Variants in DLC1 observed in about 807,000 individuals in gnomAD.
DLC1 encodes the protein rho GTPase-activating protein 7.
In DLC1, 54 loss-of-function variants were observed where a neutral mutation model predicts 140.3. The observed-to-expected ratio is 0.38, with a 90% confidence interval of 0.31 to 0.48. DLC1 has a LOEUF of 0.48. Ranked by LOEUF, DLC1 falls within the 20% of genes least tolerant of loss-of-function variation. The pLI, the probability that DLC1 is intolerant of heterozygous loss-of-function variation, is 0.96. For missense variants in DLC1, 2,536 were observed against 1,907.0 expected, an observed-to-expected ratio of 1.33 and a Z score of -6.14; for synonymous variants, 986 against 728.1, an observed-to-expected ratio of 1.35 and a Z score of -5.70.
chr8:13,500,697 G>A (rs1264117485), intron 1 of DLC1, among the ~76,000 whole-genome samples: 2 of 152,136 alleles, frequency 1.3e-5, no homozygotes, highest in Admixed American at 6.5e-5. Flanking sequence ...GTGTGTGAAG[G>A]AGCTAACACC....
At chr8:13,315,727 C>G (rs1247394225) in intron 4 of DLC1, among the ~76,000 whole-genome samples, 1 of 152,180 alleles carries the variant, frequency 6.6e-6, no homozygotes, top group Non-Finnish European at 1.5e-5. Context: ...TCCTTTCTAT[C>G]CCATCCTCTG....
At chr8:13,092,504 C>T in intron 13 of DLC1, 108 bp downstream of exon 13, 2 of 1,263,032 alleles carry the variant, frequency 1.6e-6, no homozygotes, top group Non-Finnish European at 2.2e-6. Flanking sequence ...AGCGGTCTAA[C>T]CTTCTTGCTT....
intron 4 of DLC1, among the ~76,000 whole-genome samples, chr8:13,363,377 T>TG (rs1835331336): frequency 5.3e-5 from 8 of 151,552 alleles, no homozygotes; most frequent in Admixed American, 5.3e-4. Flanking sequence ...CAGTGTTTTT[T>TG]TTTTTTTTTT....
chr8:13,480,564 G>A (rs1303966519), intron 2 of DLC1, among the ~76,000 whole-genome samples: 2 of 152,224 alleles, frequency 1.3e-5, no homozygotes, highest in East Asian at 3.9e-4. Context: ...GTGAAGCACA[G>A]AATGATAATA....
At chr8:13,236,932 G>A (rs545823541) in intron 5 of DLC1, among the ~76,000 whole-genome samples, 65 of 152,082 alleles carry the variant, frequency 4.3e-4, no homozygotes, top group African/African-American at 1.4e-3. Context: ...AAATAACTTG[G>A]TGTCTCTAAA....
chr8:13,201,403 A>G (rs1220084605), intron 5 of DLC1, among the ~76,000 whole-genome samples: 5 of 152,212 alleles, frequency 3.3e-5, no homozygotes, highest in Admixed American at 3.3e-4. Context: ...AAAAAAGCAT[A>G]AGAACAAATA....
At chr8:13,297,866 GTTTT>G (rs59669606) in intron 5 of DLC1, among the ~76,000 whole-genome samples, 7,735 of 151,050 alleles carry the variant, frequency 0.051, 246 homozygotes, top group South Asian at 0.13. Context: ...TTCCATTTTA[GTTTT>G]TTTTTGTTGT....
intron 5 of DLC1, among the ~76,000 whole-genome samples, chr8:13,228,623 G>A (rs1828906664): frequency 6.6e-6 from 1 of 152,104 alleles, no homozygotes; most frequent in Non-Finnish European, 1.5e-5. Flanking sequence ...GGTGGCATGT[G>A]GCTGTAGTCC....
At position 13,566,185 on chromosome 8, in the gene DLC1, T is replaced by C. The variant is rs572749354; in HGVS notation, c.-126+38352A>G. Reference sequence around the variant, plus strand: ...TTAAAAAAAAATGCTGGAAAGAGTTTAAGGCAGGGGTGGGTATTAAGCCCT... The same window carrying C: ...TTAAAAAAAAATGCTGGAAAGAGTTCAAGGCAGGGGTGGGTATTAAGCCCT... On this transcript the variant is annotated intron_variant, in intron 1 of 1. Transcript: ENST00000631382. Among the ~76,000 whole-genome samples the C allele has an allele frequency of 1.4e-3, 213 of 152,192 alleles. 1 individual carries two copies. Among genetic ancestry groups the C allele is most frequent in the African/African-American group, 4.9e-3 (205 of 41,526 alleles).
intron 5 of DLC1, among the ~76,000 whole-genome samples, chr8:13,219,680 G>C (rs1438173402): frequency 6.6e-6 from 1 of 151,732 alleles, no homozygotes; most frequent in African/African-American, 2.4e-5. Flanking sequence ...TCCAAGAATT[G>C]TATTGAAAAA....
intron 6 of DLC1, among the ~76,000 whole-genome samples, chr8:13,114,152 G>T (rs1468967445): frequency 6.6e-6 from 1 of 152,144 alleles, no homozygotes; most frequent in Non-Finnish European, 1.5e-5. Context: ...ACCTGAGGTC[G>T]GGAGTTCACG....
intron 1 of DLC1, among the ~76,000 whole-genome samples, chr8:13,570,894 C>T (rs1373025942): frequency 1.3e-5 from 2 of 152,112 alleles, no homozygotes; most frequent in African/African-American, 4.8e-5. Flanking sequence ...ACTAACCTAC[C>T]AGACCCCTGT....
chr8:13,575,349 G>T (rs186004128), intron 1 of DLC1, among the ~76,000 whole-genome samples: 5 of 152,100 alleles, frequency 3.3e-5, no homozygotes, highest in South Asian at 2.1e-4. Context: ...GGTTAGGAGG[G>T]GGGTACGAGA....
At chr8:13,263,017 A>G (rs1190371947) in intron 5 of DLC1, among the ~76,000 whole-genome samples, 24 of 152,232 alleles carry the variant, frequency 1.6e-4, no homozygotes, top group Admixed American at 1.5e-3. Context: ...AGTGCATTTA[A>G]TAGAGTAGAA....
chr8:13,382,207 A>G (rs1836294483), intron 4 of DLC1, among the ~76,000 whole-genome samples: 1 of 152,104 alleles, frequency 6.6e-6, no homozygotes, highest in Non-Finnish European at 1.5e-5. Flanking sequence ...CTTATTACGT[A>G]TACTGAAATG....
intron 5 of DLC1, among the ~76,000 whole-genome samples, chr8:13,289,127 C>T (rs910431228): frequency 6.6e-6 from 1 of 152,156 alleles, no homozygotes; most frequent in Non-Finnish European, 1.5e-5. Flanking sequence ...CTTCCCAGGG[C>T]TACCACTCCA....
rs1028573822 is a variant in DLC1, at chr8:13,315,010, A to G, written c.1315-9708T>C. Among the ~76,000 whole-genome samples, 3 of 152,234 alleles carry G rather than the reference A, an allele frequency of 2.0e-5. No individual in the cohort carries two copies. In the East Asian group the frequency reaches 5.8e-4, roughly 29 times the overall value. ...TTTTGGCTGAAAGTAAAGGTATTCTAATGTTCTGCAACTCTAATGAAACTC... is the reference window on the plus strand; with the variant it reads ...TTTTGGCTGAAAGTAAAGGTATTCTGATGTTCTGCAACTCTAATGAAACTC... On this transcript the variant is annotated intron_variant, in intron 4 of 17. Transcript: ENST00000276297.
chr8:13,409,398 C>A (rs931453534), intron 2 of DLC1, among the ~76,000 whole-genome samples: 1 of 152,046 alleles, frequency 6.6e-6, no homozygotes, highest in African/African-American at 2.4e-5. Flanking sequence ...TCATCCTCTC[C>A]CTCATTTGCA....
At chr8:13,088,809 G>C in intron 15 of DLC1, 105 bp from the exon 16 acceptor site, 1 of 844,510 alleles carries the variant, frequency 1.2e-6, no homozygotes, top group Non-Finnish European at 1.9e-6. Flanking sequence ...TATAATCAAC[G>C]TTAATTGATT....
Sources: gnomAD v4.1 joint callset for allele counts (sites outside exome capture counted in the v4.1 genomes callset) on GRCh38, gnomAD v4.1.1 for gene constraint, MANE v1.5 for transcripts, NCBI Gene and HGNC (gene_info 2026-07-23, HGNC 2026-07-21) for gene names.